The following VKORC1L1 variants were observed in gnomAD, a reference collection of about 807,000 sequenced individuals.
VKORC1L1 encodes vitamin K epoxide reductase complex subunit 1-like protein 1.
A neutral mutation model predicts 18.9 loss-of-function variants in VKORC1L1; 2 were observed. That is an observed-to-expected ratio of 0.11 (90% CI 0.04 to 0.33). The LOEUF is 0.33. VKORC1L1 is among the 10% of genes least tolerant of loss of function. The pLI is 1.00. For synonymous variants in VKORC1L1, 96 were observed against 100.0 expected, an observed-to-expected ratio of 0.96 and a Z score of 0.24; for missense variants, 123 against 224.1, an observed-to-expected ratio of 0.55 and a Z score of 2.88.
chr7:65,905,352 C>G (rs993620518), intron 1 of VKORC1L1, among the ~76,000 whole-genome samples: 1 of 151,806 alleles, frequency 6.6e-6, no homozygotes, highest in Non-Finnish European at 1.5e-5. Flanking sequence ...GCTCTGTCAT[C>G]CAGGCTGGAG....
In VKORC1L1 at chr7:65,895,469, AAAAAAAAAAAAATATATATATATAT is replaced by A. The variant is rs1316062092; in HGVS notation, c.194+21906_194+21930del. On this transcript the variant is annotated intron_variant, in intron 1 of 2. Coordinates refer to ENST00000360768, the MANE Select transcript of VKORC1L1 (RefSeq NM_173517.6). ...CATCTGTGAGAAAAAAAAAAAAAAA[AAAAAAAAAAAAATATATATATATAT>A]ATATATATATATATATATATATACA... Among the ~76,000 whole-genome samples, 103 of 53,998 alleles carry A rather than the reference AAAAAAAAAAAAATATATATATATAT, an allele frequency of 1.9e-3. 2 individuals carry two copies. The highest frequency in any genetic ancestry group is 7.9e-3 in the African/African-American group (99 of 12,580). 35.4% of individuals were successfully genotyped at this position (53,998 alleles called of 152,430 possible).
intron 1 of VKORC1L1, among the ~76,000 whole-genome samples, chr7:65,944,856 G>C (rs1790091269): frequency 6.6e-6 from 1 of 151,078 alleles, no homozygotes; most frequent in Admixed American, 6.6e-5. Flanking sequence ...GGTGGAGGTT[G>C]CAATGAGTGC....
chr7:65,906,833 A>AAGG (rs1789413936), intron 1 of VKORC1L1, among the ~76,000 whole-genome samples: 1 of 152,122 alleles, frequency 6.6e-6, no homozygotes, highest in Non-Finnish European at 1.5e-5. Flanking sequence ...GACATTTGAG[A>AAGG]TTTCATTTTG....
At chr7:65,945,567 G>A (rs1476162990) in intron 1 of VKORC1L1, among the ~76,000 whole-genome samples, 10 of 152,042 alleles carry the variant, frequency 6.6e-5, no homozygotes, top group African/African-American at 2.4e-4. Flanking sequence ...AGCCGAGATC[G>A]CGCCACTGCA....
At chr7:65,920,058 G>A (rs1297799212) in intron 1 of VKORC1L1, among the ~76,000 whole-genome samples, 1 of 151,616 alleles carries the variant, frequency 6.6e-6, no homozygotes, top group African/African-American at 2.4e-5. Flanking sequence ...TCTTACATTT[G>A]CTTGCTCTGT....
At chr7:65,892,939 A>G (rs1377181749) in intron 1 of VKORC1L1, among the ~76,000 whole-genome samples, 1 of 152,224 alleles carries the variant, frequency 6.6e-6, no homozygotes, top group Non-Finnish European at 1.5e-5. Flanking sequence ...GGTCAAAACT[A>G]TTTTGATAGT....
intron 1 of VKORC1L1, among the ~76,000 whole-genome samples, chr7:65,904,795 G>A (rs1789377630): frequency 6.6e-6 from 1 of 152,066 alleles, no homozygotes; most frequent in African/African-American, 2.4e-5. Context: ...AATGTAAATG[G>A]TCTTGAAAAA....
At position 65,897,157 on chromosome 7, in the gene VKORC1L1, A is replaced by ATTCT. The variant is rs1464795855; in HGVS notation, c.194+23592_194+23593insTTCT. Among the ~76,000 whole-genome samples the ATTCT allele has an allele frequency of 2.0e-5, 3 of 152,254 alleles. No individual in the cohort carries two copies. The South Asian group carries it at 6.2e-4, about 31-fold the overall frequency. On this transcript the variant is annotated intron_variant, in intron 1 of 2. Transcript: ENST00000360768. ...AAAAGCAGGATCGCTTGCTGATAGA[A>ATTCT]AAGACCAACAACTCAGTAGACAGGT...
chr7:65,878,637 G>T (rs1225148934), intron 1 of VKORC1L1, among the ~76,000 whole-genome samples: 1 of 152,096 alleles, frequency 6.6e-6, no homozygotes, highest in African/African-American at 2.4e-5. Context: ...GGACGCAGTG[G>T]CTCACGCCTG....
At position 65,955,999 on chromosome 7, in the gene VKORC1L1, A is replaced by G. The variant is rs199674203; in HGVS notation, c.*1699A>G. ...GAGGCAGGTATCAAGTCCAAATCAT[A>G]ATGAACTTTTCACCAGTTTCAACCA... On this transcript the variant is annotated 3_prime_UTR_variant, in exon 3 of 3. Coordinates refer to ENST00000360768, the MANE Select transcript of VKORC1L1 (RefSeq NM_173517.6). 3.5e-4 allele frequency: 54 copies of G among 152,334 alleles called. No individual in the cohort carries two copies. In the East Asian group the frequency reaches 7.1e-3, roughly 20 times the overall value. The allele number at this position is 152,334 out of a possible 1,614,324, so 9.4% of individuals were successfully genotyped here.
intron 1 of VKORC1L1, among the ~76,000 whole-genome samples, chr7:65,939,779 GGGC>G (rs2115697664): frequency 6.6e-6 from 1 of 152,322 alleles, no homozygotes; most frequent in African/African-American, 2.4e-5. Context: ...AGTGGTGTCA[GGGC>G]CTAGCTGCTT....
At chr7:65,907,142 A>G (rs866443506) in intron 1 of VKORC1L1, among the ~76,000 whole-genome samples, 2 of 152,276 alleles carry the variant, frequency 1.3e-5, no homozygotes, top group African/African-American at 4.8e-5. Context: ...AAACTTAAGT[A>G]AAAATGGAGG....
chr7:65,902,244 A>G (rs1462816914), intron 1 of VKORC1L1, among the ~76,000 whole-genome samples: 1 of 152,266 alleles, frequency 6.6e-6, no homozygotes, highest in Admixed American at 6.5e-5. Context: ...ACATGAAAAC[A>G]GCAATTACAA....
intron 1 of VKORC1L1, among the ~76,000 whole-genome samples, chr7:65,937,696 G>C (rs1274244888): frequency 1.3e-5 from 2 of 152,126 alleles, no homozygotes; most frequent in African/African-American, 4.8e-5. Flanking sequence ...TTACAGGCGT[G>C]AGGCAGTGTG....
upstream of VKORC1L1, among the ~76,000 whole-genome samples, chr7:65,869,585 A>G (rs1205134499): frequency 6.6e-6 from 1 of 150,592 alleles, no homozygotes; most frequent in Non-Finnish European, 1.5e-5. Context: ...GGATGCTGAC[A>G]TCCTCAGGAA....
chr7:65,921,447 G>A (rs910005306), intron 1 of VKORC1L1, among the ~76,000 whole-genome samples: 11 of 152,040 alleles, frequency 7.2e-5, no homozygotes, highest in East Asian at 1.9e-4. Flanking sequence ...GTGCAGTGGC[G>A]AGATCATAGC....
intron 1 of VKORC1L1, among the ~76,000 whole-genome samples, chr7:65,930,231 G>A (rs1369247674): frequency 1.3e-5 from 2 of 152,146 alleles, no homozygotes; most frequent in Non-Finnish European, 2.9e-5. Context: ...ATTATTCAGA[G>A]CTTGCTATAG....
chr7:65,912,686 A>G (rs1223630114), intron 1 of VKORC1L1, among the ~76,000 whole-genome samples: 2 of 152,218 alleles, frequency 1.3e-5, no homozygotes, highest in African/African-American at 2.4e-5. Flanking sequence ...CTAGTACATC[A>G]GTGCTTCTCA....
intron 1 of VKORC1L1, among the ~76,000 whole-genome samples, chr7:65,944,235 G>T (rs1460617369): frequency 1.3e-5 from 2 of 151,988 alleles, no homozygotes; most frequent in Non-Finnish European, 2.9e-5. Context: ...CTGCGTGGTG[G>T]TGGGAGCCTG....
Sources: allele counts gnomAD v4.1 joint callset (sites outside exome capture counted in the v4.1 genomes callset), GRCh38; gene constraint gnomAD v4.1.1; transcripts MANE v1.5; gene names NCBI Gene and HGNC (gene_info 2026-07-23, HGNC 2026-07-21).